Variants in DST observed in about 807,000 individuals in gnomAD.
The protein encoded by DST is dystonin, also known as bullous pemphigoid antigen.
A neutral mutation model predicts 875.2 loss-of-function variants in DST; 253 were observed. The observed-to-expected ratio is 0.29, with a 90% CI of 0.26 to 0.32. The LOEUF is 0.32. Ranked by LOEUF, DST falls within the 10% of genes least tolerant of loss-of-function variation. DST has a pLI of 1.00. For missense variants in DST, 8,287 were observed against 9,111.6 expected (o/e 0.91, Z 3.68); for synonymous variants, 3,124 against 3,197.1 (o/e 0.98, Z 0.77).
chr6:56,499,030 C>A (rs1292440978), intron 80 of DST, among the ~76,000 whole-genome samples: 1 of 152,096 alleles, frequency 6.6e-6, no homozygotes, highest in Non-Finnish European at 1.5e-5. Context: ...ATATCAATTT[C>A]TTTTACTGAA....
chr6:56,561,353 T>C lies in DST; in HGVS notation c.14265A>G (p.Ala4755=), dbSNP rs552289837. 62 of 1,613,764 alleles carry C rather than the reference T, an allele frequency of 3.8e-5. 1 individual carries two copies. In the South Asian group the frequency reaches 6.3e-4, roughly 16 times the overall value. The part of the protein sequence containing the change: ...KTATKWQQTP[A]PTDTEAVKTQ... ...TCTTCACAGCTTCAGTATCTGTAGGTGCAGGTGTCTGCTGCCATTTTGTTG... is the reference window on the plus strand; with the variant it reads ...TCTTCACAGCTTCAGTATCTGTAGGCGCAGGTGTCTGCTGCCATTTTGTTG... The change falls in exon 57 of 104, where the codon GCA becomes GCG. Residue 4755 remains alanine, a synonymous_variant. Transcript: ENST00000680361.
intron 12 of DST, among the ~76,000 whole-genome samples, chr6:56,649,557 C>A (rs1361445515): frequency 2.7e-5 from 4 of 149,102 alleles, no homozygotes; most frequent in Non-Finnish European, 5.9e-5. Flanking sequence ...TCTGCAATGA[C>A]CAGTAAGTAA....
At chr6:56,773,789 C>T (rs1233490659) in intron 4 of DST, among the ~76,000 whole-genome samples, 1 of 152,188 alleles carries the variant, frequency 6.6e-6, no homozygotes, top group Non-Finnish European at 1.5e-5. Flanking sequence ...TGTGAGCCAC[C>T]AATTTCCAGC....
Position 56,851,576 on chromosome 6 carries a change from G to C in DST, c.446C>G (p.Ser149Cys), listed in dbSNP as rs763949756. ...GGAAAAATCCGCAGAGGAAGACATA[G>C]AGCAGCGATAGGACGCGTTCCCGGA... ...PSSGNASYRC[S>C]MSSSADFSDE... Residue 149 changes from serine to cysteine, a missense_variant, in exon 4 of 104, where the codon TCT (serine) becomes TGT (cysteine). Coordinates refer to ENST00000680361, the MANE Select transcript of DST (RefSeq NM_001374736.1). The C allele has an allele frequency of 6.2e-7, 1 of 1,613,972 alleles. No homozygotes were observed. The highest frequency in any genetic ancestry group is 2.2e-5 in the East Asian group (1 of 44,880).
intron 37 of DST, among the ~76,000 whole-genome samples, chr6:56,612,488 A>C (rs890632978): frequency 1.7e-4 from 26 of 152,234 alleles, no homozygotes; most frequent in African/African-American, 6.0e-4. Context: ...GTTTGGGGAA[A>C]AGCAAGAGGT....
At chr6:56,668,333 G>A (rs2099082242) in intron 10 of DST, among the ~76,000 whole-genome samples, 1 of 152,132 alleles carries the variant, frequency 6.6e-6, no homozygotes, top group African/African-American at 2.4e-5. Flanking sequence ...AACAAGTGTA[G>A]GCAAGTTGAT....
At chr6:56,925,044 G>C (rs888214674) in intron 2 of DST, among the ~76,000 whole-genome samples, 2 of 152,232 alleles carry the variant, frequency 1.3e-5, no homozygotes, top group Non-Finnish European at 2.9e-5. Context: ...GTAGGAAAGA[G>C]ATGGGGAGGA....
chr6:56,701,880 C>T lies in DST; in HGVS notation c.954+8G>A, dbSNP rs754474487. The T allele has an allele frequency of 8.9e-6, 14 of 1,566,074 alleles. No individual in the cohort carries two copies. In the East Asian group the frequency reaches 2.9e-4, roughly 33 times the overall value. On this transcript the variant is annotated splice_region_variant and intron_variant, in intron 8 of 103. Coordinates refer to ENST00000680361, the MANE Select transcript of DST (RefSeq NM_001374736.1). ...TTATATGATTACAGTATTTTCAAAA[C>T]ATCATACCTGGCGTCTTTTCAAATA...
At position 56,717,182 on chromosome 6, in the gene DST, CAAATAAATAAATAAAT is replaced by C. The variant is rs35485370; in HGVS notation, c.688-12829_688-12814del. Among the ~76,000 whole-genome samples, 1,294 of 142,754 alleles carry C rather than the reference CAAATAAATAAATAAAT, an allele frequency of 9.1e-3. 25 individuals carry two copies. The highest frequency in any genetic ancestry group is 0.031 in the African/African-American group (1,236 of 39,430). 93.7% of individuals were successfully genotyped at this position (142,754 alleles called of 152,430 possible). On this transcript the variant is annotated intron_variant, in intron 5 of 103. Coordinates refer to ENST00000680361, the MANE Select transcript of DST (RefSeq NM_001374736.1). ...TGTGCAACAGAGCGAGACTCCGTCT[CAAATAAATAAATAAAT>C]AAATAAATAAATAAATAAATAAATA...
At chr6:56,470,464 T>C (rs1261576525) in intron 95 of DST, among the ~76,000 whole-genome samples, 182 bp from the exon 96 acceptor site, 1 of 152,194 alleles carries the variant, frequency 6.6e-6, no homozygotes, top group East Asian at 1.9e-4. Flanking sequence ...TCTTAATTTA[T>C]CTTTAATTAC....
Position 56,589,522 on chromosome 6 carries a change from G to C in DST, c.12903+2660C>G, listed in dbSNP as rs574364408. 2.5e-3 allele frequency among the ~76,000 whole-genome samples: 374 copies of C among 152,318 alleles called. 2 individuals are homozygous for C. Among genetic ancestry groups the C allele is most frequent in the African/African-American group, 8.8e-3 (364 of 41,570 alleles). ...CCTGTTGGGACCAGAAGACAGCGAA[G>C]TCTATACACTTCTGGGCATTTGTAC... On this transcript the variant is annotated intron_variant, in intron 49 of 103. Coordinates refer to ENST00000680361, the MANE Select transcript of DST (RefSeq NM_001374736.1).
intron 62 of DST, 139 bp downstream of exon 62, chr6:56,536,640 T>A: frequency 1.2e-6 from 1 of 846,624 alleles, no homozygotes; most frequent in Non-Finnish European, 1.7e-6. Context: ...CATCTGAGTT[T>A]GAGCCATCCA....
rs1269736207 is a variant in DST, at chr6:56,562,197, C to T, written c.14009G>A (p.Gly4670Glu). 1 of 1,537,378 alleles carries T rather than the reference C, an allele frequency of 6.5e-7. No individual in the cohort carries two copies. The highest frequency in any genetic ancestry group is 2.0e-5 in the Admixed American group (1 of 50,512). The stretch of plus-strand genomic sequence containing the variant: ...TGTTCCTTCACCATTTAATACTGCT[C>T]CACCTGCAAAAATAGTAACACTAAA... ...AKAIAAVKSG[G>E]AVLNGEGTAT... The change falls in exon 56 of 104, where the codon GGA becomes GAA. Residue 4670 changes from glycine (G) to glutamate (E), a missense_variant. Gly to Glu is a moderately conservative substitution (Grantham distance 98). This residue lies in a region of DST where 1,513 missense variants were observed against 1,677.8 expected (regional missense o/e 0.90). Coordinates refer to ENST00000680361, the MANE Select transcript of DST (RefSeq NM_001374736.1).
chr6:56,875,242 C>T (rs532269690), intron 3 of DST, among the ~76,000 whole-genome samples: 6 of 152,278 alleles, frequency 3.9e-5, no homozygotes, highest in Admixed American at 3.9e-4. Context: ...CCTCAGCCTC[C>T]CAAAGTGCTG....
chr6:56,555,816 G>A lies in DST; in HGVS notation c.14665C>T (p.Arg4889Trp), dbSNP rs534247901. ...VQILLQEFATRKPQYEQLTAA... is the reference protein window; with the variant it reads ...VQILLQEFATWKPQYEQLTAA... ...GTCAGCTGTTCATATTGAGGTTTCC[G>A]AGTGGCGAATTCTTGCAGCAAAATC... The change falls in exon 60 of 104, where the codon CGG becomes TGG. Residue 4889 changes from arginine to tryptophan, a missense_variant. By Grantham distance (101) the Arg-to-Trp change is moderately radical (BLOSUM62 -3). Transcript: ENST00000680361. 4.0e-6 allele frequency: 6 copies of A among 1,502,674 alleles called. No individual in the cohort carries two copies. The highest frequency in any genetic ancestry group is 1.5e-5 in the South Asian group (1 of 68,700). The allele number at this position is 1,502,674 out of a possible 1,614,324, so 93.1% of individuals were successfully genotyped here.
At chr6:56,840,098 T>C (rs1207497666) in intron 4 of DST, among the ~76,000 whole-genome samples, 4 of 152,216 alleles carry the variant, frequency 2.6e-5, no homozygotes, top group Non-Finnish European at 5.9e-5. Flanking sequence ...ATGAAATGTA[T>C]TGAATTCACA....
chr6:56,877,960 T>C (rs535765358), intron 3 of DST, among the ~76,000 whole-genome samples: 1 of 152,276 alleles, frequency 6.6e-6, no homozygotes, highest in East Asian at 1.9e-4. Flanking sequence ...TGAACTCACA[T>C]AATACATCAC....
intron 86 of DST, among the ~76,000 whole-genome samples, chr6:56,489,136 T>C (rs570216060): frequency 2.6e-5 from 4 of 152,228 alleles, no homozygotes; most frequent in Admixed American, 6.5e-5. Context: ...AGGTGCTATT[T>C]TGTCTGTCAA....
intron 4 of DST, 52 bp from the exon 5 acceptor site, chr6:56,735,341 A>T (rs1405197148): frequency 2.9e-6 from 3 of 1,031,712 alleles, no homozygotes; most frequent in Non-Finnish European, 4.4e-6. Context: ...CTATGAATAG[A>T]TGACTTTGTG....
Sources: allele counts gnomAD v4.1 joint callset (sites outside exome capture counted in the v4.1 genomes callset), GRCh38; gene constraint gnomAD v4.1.1; regional missense constraint gnomAD v4.1.1; transcripts MANE v1.5; gene names NCBI Gene and HGNC (gene_info 2026-07-23, HGNC 2026-07-21).